Variants in CALN1 observed in about 807,000 individuals in gnomAD.
The protein encoded by CALN1 is calneuron 1.
Under a neutral mutation model 30.6 loss-of-function variants are expected in CALN1, and 17 were observed. The ratio of observed to expected loss-of-function variants is 0.56; its 90% confidence interval spans 0.38 to 0.83. The LOEUF (loss-of-function observed/expected upper bound fraction) is 0.83. Among genes scored for constraint, CALN1 ranks in the 40% least tolerant of loss-of-function variants. The pLI, the probability that CALN1 is intolerant of heterozygous loss-of-function variation, is 0.00. For synonymous variants in CALN1, 156 were observed against 131.4 expected (o/e 1.19, Z -1.28); for missense variants, 291 against 354.9 (o/e 0.82, Z 1.45).
intron 2 of CALN1, among the ~76,000 whole-genome samples, chr7:72,400,544 G>C (rs1036871410): frequency 6.6e-6 from 1 of 152,122 alleles, no homozygotes; most frequent in Non-Finnish European, 1.5e-5. Context: ...AAACTGATGG[G>C]AGCAGAGGCT....
At chr7:71,901,336 C>A (rs528077740) in intron 5 of CALN1, among the ~76,000 whole-genome samples, 19 of 150,954 alleles carry the variant, frequency 1.3e-4, no homozygotes, top group Admixed American at 1.2e-3. Context: ...CTGCCCAAAG[C>A]AATCCACAGA....
intron 3 of CALN1, among the ~76,000 whole-genome samples, chr7:72,202,021 G>A (rs190161006): frequency 3.9e-5 from 6 of 152,284 alleles, no homozygotes; most frequent in African/African-American, 1.4e-4. Flanking sequence ...AGTGGGAGGA[G>A]CAAGCCTCAA....
chr7:72,490,581 G>C, the CALN1 span, among the ~76,000 whole-genome samples: 1 of 152,188 alleles, frequency 6.6e-6, no homozygotes, highest in Non-Finnish European at 1.5e-5. Context: ...TTCAGCGTTG[G>C]AGGAGGCGCC....
chr7:72,418,725 T>C (rs1562961995), intron 1 of CALN1, among the ~76,000 whole-genome samples: 1 of 152,072 alleles, frequency 6.6e-6, no homozygotes, highest in Non-Finnish European at 1.5e-5. Context: ...TTCAAGCTCT[T>C]ATGTCACTGG....
At chr7:71,830,941 A>G (rs867634209) in intron 5 of CALN1, among the ~76,000 whole-genome samples, 4 of 152,178 alleles carry the variant, frequency 2.6e-5, no homozygotes, top group Admixed American at 6.5e-5. Context: ...ACTCATTGAC[A>G]CCCTGATTCC....
chr7:72,011,921 A>G (rs1281554741), intron 5 of CALN1, among the ~76,000 whole-genome samples: 1 of 152,182 alleles, frequency 6.6e-6, no homozygotes, highest in African/African-American at 2.4e-5. Context: ...GGCATGAGTC[A>G]CCATACTCAG....
intron 2 of CALN1, among the ~76,000 whole-genome samples, chr7:72,355,188 G>A (rs928696853): frequency 2.0e-5 from 3 of 152,152 alleles, no homozygotes; most frequent in Non-Finnish European, 2.9e-5. Context: ...GATTACAGGC[G>A]TGAGCCAACG....
intron 2 of CALN1, among the ~76,000 whole-genome samples, chr7:72,386,871 G>A (rs1320107): frequency 0.99 from 151,010 of 152,132 alleles, 74,957 homozygotes; most frequent in Middle Eastern, 1. Context: ...GTTTAGTTCA[G>A]TATAGATACA....
At chr7:71,980,552 A>G (rs1230628399) in intron 5 of CALN1, among the ~76,000 whole-genome samples, 1 of 152,154 alleles carries the variant, frequency 6.6e-6, no homozygotes, top group African/African-American at 2.4e-5. Context: ...GGATATAGAA[A>G]TGAAATACTT....
chr7:72,062,880 C>T (rs1251932489), intron 4 of CALN1, among the ~76,000 whole-genome samples: 3 of 152,104 alleles, frequency 2.0e-5, no homozygotes, highest in Non-Finnish European at 4.4e-5. Context: ...TTGGCAAATT[C>T]TACCAAAACA....
intron 1 of CALN1, among the ~76,000 whole-genome samples, chr7:72,422,075 G>T (rs1369209483): frequency 6.6e-6 from 1 of 152,148 alleles, no homozygotes; most frequent in Admixed American, 6.6e-5. Flanking sequence ...TGTGAATTGT[G>T]CTGCTATAAA....
intron 5 of CALN1, among the ~76,000 whole-genome samples, chr7:71,922,919 T>C (rs1000939532): frequency 6.8e-6 from 1 of 146,916 alleles, no homozygotes; most frequent in Non-Finnish European, 1.5e-5. Flanking sequence ...TATATAAGCA[T>C]ATACAATGTG....
At chr7:71,802,765 G>A (rs1167105822) in intron 6 of CALN1, among the ~76,000 whole-genome samples, 1 of 152,194 alleles carries the variant, frequency 6.6e-6, no homozygotes. Context: ...GCTCACGCCT[G>A]TAATCCCAGC....
the CALN1 span, among the ~76,000 whole-genome samples, chr7:72,453,250 G>T: frequency 6.6e-6 from 1 of 152,352 alleles, no homozygotes; most frequent in East Asian, 1.9e-4. Flanking sequence ...TTATTGAAGG[G>T]GCAGTGTTAT....
chr7:71,982,821 T>C (rs1301591791), intron 5 of CALN1, among the ~76,000 whole-genome samples: 4 of 151,996 alleles, frequency 2.6e-5, no homozygotes, highest in South Asian at 2.1e-4. Flanking sequence ...GCTGCAGACA[T>C]AGAAAGGCAG....
At position 71,815,906 on chromosome 7, in the gene CALN1, C is replaced by A. The variant is rs551319162; in HGVS notation, c.502-5414G>T. On this transcript the variant is annotated intron_variant, in intron 5 of 6. Transcript: ENST00000395275. ...TCCTCTCTCTTTTACTTTCTTGTTT[C>A]TTGCTTTGTCACCCAGGCTAGAGTG... 3.8e-4 allele frequency among the ~76,000 whole-genome samples: 55 copies of A among 144,598 alleles called. 3 individuals carry two copies. The South Asian group carries it at 0.01, about 27-fold the overall frequency. The allele number at this position is 144,598 out of a possible 152,430, so 94.9% of individuals were successfully genotyped here. A position where few individuals can be genotyped will look rare whatever the true frequency, so the allele number is the denominator to read the frequency against.
At chr7:72,344,143 G>C (rs998501541) in intron 2 of CALN1, among the ~76,000 whole-genome samples, 15 of 152,222 alleles carry the variant, frequency 9.9e-5, no homozygotes, top group Non-Finnish European at 1.8e-4. Context: ...GGGAGAAAAA[G>C]AGAGGTTCCG....
At chr7:72,174,074 A>T (rs1789166640) in intron 3 of CALN1, among the ~76,000 whole-genome samples, 1 of 152,184 alleles carries the variant, frequency 6.6e-6, no homozygotes, top group Non-Finnish European at 1.5e-5. Context: ...TAAAGAATTT[A>T]TATAGCTAAA....
intron 3 of CALN1, among the ~76,000 whole-genome samples, chr7:72,210,225 A>T (rs1297737990): frequency 1.3e-5 from 2 of 152,000 alleles, no homozygotes; most frequent in African/African-American, 4.8e-5. Flanking sequence ...CCCTTGAGGC[A>T]TGCCTGCAGT....
Sources: allele counts gnomAD v4.1 joint callset (sites outside exome capture counted in the v4.1 genomes callset), GRCh38; gene constraint gnomAD v4.1.1; transcripts MANE v1.5; gene names NCBI Gene and HGNC (gene_info 2026-07-23, HGNC 2026-07-21).